EEFSEC: variants seen among roughly 807,000 people sequenced by gnomAD.
The protein encoded by EEFSEC is eukaryotic elongation factor, selenocysteine-tRNA specific.
Under a neutral mutation model 42.1 loss-of-function variants are expected in EEFSEC, and 43 were observed. The ratio of observed to expected loss-of-function variants is 1.02; its 90% CI spans 0.80 to 1.32. The LOEUF (loss-of-function observed/expected upper bound fraction) is 1.32, where lower values mean the gene tolerates loss of function less well. Ranked by LOEUF, EEFSEC falls within the 40% of genes most tolerant of loss-of-function variation. The pLI, the probability that EEFSEC is intolerant of heterozygous loss-of-function variation, is 0.00. For synonymous variants in EEFSEC, 354 were observed against 339.1 expected (o/e 1.04, Z -0.48); for missense variants, 745 against 803.6 (o/e 0.93, Z 0.88).
chr3:128,329,473 C>G (rs939502326), intron 4 of EEFSEC, among the ~76,000 whole-genome samples: 1 of 150,376 alleles, frequency 6.6e-6, no homozygotes, highest in African/African-American at 2.4e-5. Context: ...AAAGGCATGG[C>G]TACATAGCAA....
intron 1 of EEFSEC, among the ~76,000 whole-genome samples, chr3:128,164,068 T>C (rs2065220594): frequency 6.6e-6 from 1 of 152,158 alleles, no homozygotes; most frequent in Non-Finnish European, 1.5e-5. Context: ...TGCCTCCTCT[T>C]TCTGTGATGT....
At chr3:128,163,811 C>G (rs978559367) in intron 1 of EEFSEC, among the ~76,000 whole-genome samples, 1 of 151,988 alleles carries the variant, frequency 6.6e-6, no homozygotes, top group Non-Finnish European at 1.5e-5. Context: ...GCCTTTTTGT[C>G]TGGCGACTTT....
intron 6 of EEFSEC, among the ~76,000 whole-genome samples, chr3:128,400,903 G>A (rs996981307): frequency 6.6e-6 from 1 of 152,184 alleles, no homozygotes; most frequent in Non-Finnish European, 1.5e-5. Flanking sequence ...GGTGAGAAAG[G>A]GCCAGCCTGG....
chr3:128,367,701 G>A (rs952628621), intron 6 of EEFSEC: 2 of 985,296 alleles, frequency 2.0e-6, no homozygotes, highest in African/African-American at 3.5e-5. Context: ...CTTGAAACCA[G>A]ACCCAGAGAT....
At chr3:128,395,672 C>T (rs554601586) in intron 6 of EEFSEC, among the ~76,000 whole-genome samples, 88 of 152,336 alleles carry the variant, frequency 5.8e-4, no homozygotes, top group African/African-American at 1.7e-3. Context: ...TGCAATGAGG[C>T]GGTGTCTGTC....
chr3:128,213,941 G>T (rs2065784569), intron 1 of EEFSEC, among the ~76,000 whole-genome samples: 1 of 152,184 alleles, frequency 6.6e-6, no homozygotes, highest in African/African-American at 2.4e-5. Context: ...TAAAGAGCAG[G>T]TGATGCTTCT....
At chr3:128,176,614 T>C (rs1208471647) in intron 1 of EEFSEC, among the ~76,000 whole-genome samples, 1 of 152,128 alleles carries the variant, frequency 6.6e-6, no homozygotes, top group Non-Finnish European at 1.5e-5. Flanking sequence ...GCATTAATAC[T>C]AAAGGAAAAA....
rs556140630 is a variant in EEFSEC, at chr3:128,362,164, G to A, written c.1600+3791G>A. 1.4e-4 allele frequency: 72 copies of A among 503,966 alleles called. 2 individuals carry two copies. The highest frequency in any genetic ancestry group is 1.0e-3 in the East Asian group (18 of 17,354). The allele number at this position is 503,966 out of a possible 1,614,324, so 31.2% of individuals were successfully genotyped here. A position where few individuals can be genotyped will look rare whatever the true frequency, so the allele number is the denominator to read the frequency against. ...CTCCCAAAGCTCATCTTGGCAAGCCGTCTGTCCCACCGCTGCCACCCTCCC... is the reference window on the plus strand; with the variant it reads ...CTCCCAAAGCTCATCTTGGCAAGCCATCTGTCCCACCGCTGCCACCCTCCC... On this transcript the variant is annotated intron_variant, in intron 6 of 6. Coordinates refer to ENST00000254730, the MANE Select transcript of EEFSEC (RefSeq NM_021937.5).
chr3:128,186,608 A>G (rs2811516), intron 1 of EEFSEC, among the ~76,000 whole-genome samples: 44,337 of 152,062 alleles, frequency 0.29, 6,700 homozygotes, highest in South Asian at 0.37. Context: ...TATGGCATGA[A>G]GTAGAGGTCC....
chr3:128,176,813 T>C (rs2065352690), intron 1 of EEFSEC, among the ~76,000 whole-genome samples: 1 of 152,116 alleles, frequency 6.6e-6, no homozygotes, highest in Non-Finnish European at 1.5e-5. Flanking sequence ...GATTAGAATA[T>C]ATATCTAGTA....
At chr3:128,173,942 G>A (rs935911367) in intron 1 of EEFSEC, among the ~76,000 whole-genome samples, 27 of 152,300 alleles carry the variant, frequency 1.8e-4, no homozygotes, top group African/African-American at 6.3e-4. Flanking sequence ...GGCCTGCCAC[G>A]TGGATGGCCT....
chr3:128,357,003 A>C (rs1285922418), intron 5 of EEFSEC, among the ~76,000 whole-genome samples: 1 of 152,262 alleles, frequency 6.6e-6, no homozygotes, highest in African/African-American at 2.4e-5. Flanking sequence ...TTCTCCAGCA[A>C]GCACATCAGC....
intron 1 of EEFSEC, among the ~76,000 whole-genome samples, chr3:128,196,166 A>G (rs1470247211): frequency 6.6e-6 from 1 of 152,254 alleles, no homozygotes; most frequent in Non-Finnish European, 1.5e-5. Flanking sequence ...AATTTATAAT[A>G]ATTGTCTTCT....
downstream of EEFSEC, among the ~76,000 whole-genome samples, chr3:128,412,571 G>A (rs904027513): frequency 8.5e-5 from 13 of 152,258 alleles, no homozygotes; most frequent in African/African-American, 2.9e-4. Flanking sequence ...GCAGAGTGAA[G>A]GCTGTGGCGA....
At chr3:128,153,938 T>G in intron 1 of EEFSEC, 115 bp downstream of exon 1, 1 of 1,374,972 alleles carries the variant, frequency 7.3e-7, no homozygotes, top group South Asian at 1.6e-5. Context: ...ACCTCATTGG[T>G]GGGGCTCCTG....
downstream of EEFSEC, among the ~76,000 whole-genome samples, chr3:128,413,041 G>A (rs1418642280): frequency 6.6e-6 from 1 of 152,128 alleles, no homozygotes; most frequent in African/African-American, 2.4e-5. Flanking sequence ...GCCTCCTGAA[G>A]GAGCCAATGG....
intron 4 of EEFSEC, among the ~76,000 whole-genome samples, chr3:128,319,240 C>T (rs574847488): frequency 7.9e-5 from 12 of 152,316 alleles, no homozygotes; most frequent in Admixed American, 3.9e-4. Flanking sequence ...GGCCAGCGGG[C>T]GGGAGCCAGC....
chr3:128,269,667 T>C (rs963155548), intron 4 of EEFSEC, among the ~76,000 whole-genome samples: 3 of 152,242 alleles, frequency 2.0e-5, no homozygotes, highest in Admixed American at 2.0e-4. Flanking sequence ...CCCCCGTTTC[T>C]GTTGCCCAGG....
chr3:128,214,695 C>T (rs1421117470), intron 1 of EEFSEC, among the ~76,000 whole-genome samples: 1 of 152,174 alleles, frequency 6.6e-6, no homozygotes, highest in Non-Finnish European at 1.5e-5. Context: ...AGTACAGGCC[C>T]AGAGGCCATC....
Sources: gnomAD v4.1 joint callset for allele counts (sites outside exome capture counted in the v4.1 genomes callset) on GRCh38, gnomAD v4.1.1 for gene constraint, MANE v1.5 for transcripts, NCBI Gene and HGNC (gene_info 2026-07-23, HGNC 2026-07-21) for gene names.